CSMD2: variants seen among roughly 807,000 people sequenced by gnomAD.
The protein encoded by CSMD2 is CUB and sushi domain-containing protein 2.
CSMD2 carries 130 observed loss-of-function variants against 398.5 expected under a neutral mutation model. The ratio of observed to expected loss-of-function variants is 0.33; its 90% CI spans 0.28 to 0.38. The LOEUF is 0.38. CSMD2 is among the 10% of genes least tolerant of loss of function. The pLI, the probability that CSMD2 is intolerant of heterozygous loss-of-function variation, is 1.00. For missense variants in CSMD2, 3,829 were observed against 4,764.9 expected (o/e 0.80, Z 5.78); for synonymous variants, 1,828 against 1,908.5 (o/e 0.96, Z 1.10).
chr1:34,060,131 A>G (rs1226371657), intron 2 of CSMD2, among the ~76,000 whole-genome samples: 1 of 152,178 alleles, frequency 6.6e-6, no homozygotes, highest in Non-Finnish European at 1.5e-5. Flanking sequence ...ACAGGAGTGG[A>G]TGCCACAGAG....
intron 1 of CSMD2, among the ~76,000 whole-genome samples, chr1:34,116,911 T>C (rs1661656031): frequency 1.3e-5 from 2 of 151,302 alleles, no homozygotes; most frequent in Admixed American, 6.6e-5. Flanking sequence ...AAAGAAAAAA[T>C]CACAGGGGAA....
intron 29 of CSMD2, among the ~76,000 whole-genome samples, chr1:33,645,814 C>T (rs1299450813): frequency 2.6e-5 from 4 of 152,192 alleles, no homozygotes; most frequent in Non-Finnish European, 2.9e-5. Flanking sequence ...TCCAAGGTCA[C>T]GCAAATGTTA....
intron 65 of CSMD2, among the ~76,000 whole-genome samples, chr1:33,526,085 T>C (rs947263292): frequency 6.6e-6 from 1 of 152,218 alleles, no homozygotes; most frequent in African/African-American, 2.4e-5. Flanking sequence ...AATGTATACA[T>C]ATAGAATAAC....
intron 14 of CSMD2, among the ~76,000 whole-genome samples, chr1:33,741,459 CT>C (rs1274578497): frequency 6.6e-6 from 1 of 152,166 alleles, no homozygotes; most frequent in East Asian, 1.9e-4. Context: ...TTTAGTGATT[CT>C]AATTCAGCAG....
At chr1:33,587,842 A>C (rs184155738) in intron 44 of CSMD2, among the ~76,000 whole-genome samples, 2 of 152,304 alleles carry the variant, frequency 1.3e-5, no homozygotes, top group Non-Finnish European at 2.9e-5. Context: ...GTGGGCTCAT[A>C]ACCTGGCTTT....
At chr1:33,867,312 C>A (rs1006902177) in intron 5 of CSMD2, among the ~76,000 whole-genome samples, 21 of 152,224 alleles carry the variant, frequency 1.4e-4, no homozygotes, top group African/African-American at 4.8e-4. Flanking sequence ...CTCAGTCCAC[C>A]AACCACAAGG....
chr1:34,090,262 G>A (rs12119290), intron 1 of CSMD2, among the ~76,000 whole-genome samples: 41,682 of 152,050 alleles, frequency 0.27, 6,122 homozygotes, highest in Admixed American at 0.37. Flanking sequence ...ATGCTCCCTG[G>A]TGATGTGATG....
chr1:33,847,053 T>C, intron 5 of CSMD2, 57 bp from the exon 6 acceptor site: 3 of 1,198,314 alleles, frequency 2.5e-6, no homozygotes, highest in Non-Finnish European at 3.6e-6. Context: ...TATAGGTGTA[T>C]GAGCATTCAG....
chr1:33,779,338 A>C (rs1652402597), intron 12 of CSMD2, among the ~76,000 whole-genome samples: 1 of 152,202 alleles, frequency 6.6e-6, no homozygotes, highest in Non-Finnish European at 1.5e-5. Context: ...TGGCTCTGAT[A>C]CTAAGGAACA....
chr1:33,520,873 C>T (rs1378446128), intron 68 of CSMD2, among the ~76,000 whole-genome samples: 1 of 152,220 alleles, frequency 6.6e-6, no homozygotes, highest in African/African-American at 2.4e-5. Context: ...GACCCCTCCC[C>T]CCACCAGAGT....
chr1:33,558,264 A>G (rs780141785), intron 54 of CSMD2, among the ~76,000 whole-genome samples: 45 of 152,174 alleles, frequency 3.0e-4, no homozygotes, highest in Non-Finnish European at 5.4e-4. Flanking sequence ...CATATATCTG[A>G]TCGTAGCACA....
At chr1:33,601,134 C>T in intron 43 of CSMD2, 124 bp from the exon 44 acceptor site, 3 of 1,246,680 alleles carry the variant, frequency 2.4e-6, no homozygotes, top group Non-Finnish European at 2.2e-6. Context: ...TGTACCAACA[C>T]TTCCCCACAC....
chr1:34,110,293 T>C (rs1660944319), intron 1 of CSMD2, among the ~76,000 whole-genome samples: 1 of 152,060 alleles, frequency 6.6e-6, no homozygotes, highest in Admixed American at 6.5e-5. Flanking sequence ...TGGTGATTCC[T>C]CAAAAACCTA....
At chr1:34,157,778 TAC>T (rs1183365717) in intron 1 of CSMD2, among the ~76,000 whole-genome samples, 2 of 152,044 alleles carry the variant, frequency 1.3e-5, no homozygotes, top group African/African-American at 4.8e-5. Context: ...CTACCCAACT[TAC>T]ACCTTCCTAC....
chr1:34,111,640 G>C (rs1661086621), intron 1 of CSMD2, among the ~76,000 whole-genome samples: 1 of 152,106 alleles, frequency 6.6e-6, no homozygotes, highest in African/African-American at 2.4e-5. Flanking sequence ...TTAACAAATG[G>C]GGATCAGGGT....
chr1:33,907,180 G>A (rs372091708), intron 5 of CSMD2, among the ~76,000 whole-genome samples: 4 of 146,722 alleles, frequency 2.7e-5, no homozygotes, highest in East Asian at 4.0e-4. Flanking sequence ...GTGCAGTGGC[G>A]TGAACTCGGC....
chr1:33,782,351 T>A (rs1293634227), intron 12 of CSMD2, among the ~76,000 whole-genome samples: 2 of 151,996 alleles, frequency 1.3e-5, no homozygotes, highest in Non-Finnish European at 2.9e-5. Context: ...GAGAAGGGAG[T>A]AAGCTTCCAA....
At chr1:33,642,250 G>C (rs1643147927) in intron 29 of CSMD2, among the ~76,000 whole-genome samples, 1 of 150,850 alleles carries the variant, frequency 6.6e-6, no homozygotes, top group Non-Finnish European at 1.5e-5. Context: ...AGGAGGCTAA[G>C]GCAAGCGAAT....
intron 19 of CSMD2, 87 bp from the exon 20 acceptor site, chr1:33,716,588 A>AAACTGGAAAT: frequency 2.1e-6 from 2 of 957,270 alleles, no homozygotes; most frequent in Non-Finnish European, 3.2e-6. Context: ...AAACATTTCC[A>AAACTGGAAAT]GTTTGCAAAT....
Sources: allele counts gnomAD v4.1 joint callset (sites outside exome capture counted in the v4.1 genomes callset), GRCh38; gene constraint gnomAD v4.1.1; transcripts MANE v1.5; gene names NCBI Gene and HGNC (gene_info 2026-07-23, HGNC 2026-07-21).